The following PGAP3 variants were observed in gnomAD, a reference collection of about 807,000 sequenced individuals.
PGAP3 encodes post-GPI attachment to proteins phospholipase 3, also known as GPI-specific phospholipase A2-like PGAP3.
Under a neutral mutation model 40.3 loss-of-function variants are expected in PGAP3, and 31 were observed. That is an observed-to-expected ratio of 0.77 (90% confidence interval 0.58 to 1.04). The LOEUF (loss-of-function observed/expected upper bound fraction) is 1.04. Among genes scored for constraint, PGAP3 ranks in the 50% least tolerant of loss-of-function variants. The probability of loss-of-function intolerance (pLI) is 0.00; values close to 1 mark genes in which losing one functional copy is unlikely to be tolerated. For missense variants in PGAP3, 413 were observed against 423.0 expected, an observed-to-expected ratio of 0.98 and a Z score of 0.21; for synonymous variants, 191 against 184.5, an observed-to-expected ratio of 1.04 and a Z score of -0.29.
rs1465942127 is a variant in PGAP3, at chr17:39,673,275, G to C, written c.695-20C>G. On this transcript the variant is annotated intron_variant, in intron 6 of 7. Transcript: ENST00000300658. ...CCAGGCCTGGGTGCCAGTGGGGGCA[G>C]GAGAGACTCATTCCTTCGGCTCCTT... is the stretch of plus-strand genomic sequence containing the variant. 1 of 1,555,358 alleles carries C rather than the reference G, an allele frequency of 6.4e-7. No individual in the cohort carries two copies. Among genetic ancestry groups the C allele is most frequent in the Admixed American group, 2.0e-5 (1 of 51,244 alleles).
intron 3 of PGAP3, among the ~76,000 whole-genome samples, chr17:39,676,113 G>A (rs2934952): frequency 0.62 from 94,948 of 152,086 alleles, 30,453 homozygotes; most frequent in South Asian, 0.74. Flanking sequence ...CATGGAGGCT[G>A]CACAACAGGA....
intron 2 of PGAP3, among the ~76,000 whole-genome samples, chr17:39,685,345 A>G (rs911104683): frequency 6.6e-6 from 1 of 151,122 alleles, no homozygotes; most frequent in Non-Finnish European, 1.5e-5. Flanking sequence ...ACAAAAAATT[A>G]GCTGGGTGTG....
chr17:39,685,303 C>T (rs1480282777), intron 2 of PGAP3, among the ~76,000 whole-genome samples: 1 of 149,948 alleles, frequency 6.7e-6, no homozygotes, highest in Non-Finnish European at 1.5e-5. Context: ...TGGTGAAACC[C>T]CATCTCTACT....
At chr17:39,683,111 G>C (rs182700267) in intron 3 of PGAP3, among the ~76,000 whole-genome samples, 1 of 151,210 alleles carries the variant, frequency 6.6e-6, no homozygotes, top group African/African-American at 2.4e-5. Flanking sequence ...AAATCCCTCC[G>C]TACTTCCTGA....
At chr17:39,684,016 T>G (rs2057474592) in intron 3 of PGAP3, among the ~76,000 whole-genome samples, 1 of 147,794 alleles carries the variant, frequency 6.8e-6, no homozygotes, top group Non-Finnish European at 1.5e-5. Flanking sequence ...CCCAGCTACT[T>G]GGGAGGCTGA....
At position 39,674,062 on chromosome 17, in the gene PGAP3, C is replaced by T. The variant is rs1451366222; in HGVS notation, c.496-8G>A. 6.2e-7 allele frequency: 1 copy of T among 1,613,286 alleles called. No homozygotes were observed. Among genetic ancestry groups the T allele is most frequent in the Non-Finnish European group, 8.5e-7 (1 of 1,179,478 alleles). On this transcript the variant is annotated splice_region_variant and splice_polypyrimidine_tract_variant and intron_variant, in intron 4 of 7. Coordinates refer to ENST00000300658, the MANE Select transcript of PGAP3 (RefSeq NM_033419.5). ...ACAGAAGTAGTCCATTTTCTGAGGACAGGGAAGGGTGGTGAGGGACCAGCA... is the reference window on the plus strand; with the variant it reads ...ACAGAAGTAGTCCATTTTCTGAGGATAGGGAAGGGTGGTGAGGGACCAGCA...
chr17:39,685,799 A>AGCT (rs2145146651), intron 2 of PGAP3, 123 bp downstream of exon 2: 1 of 796,360 alleles, frequency 1.3e-6, no homozygotes, highest in East Asian at 3.1e-5. Flanking sequence ...GAGAACAGGT[A>AGCT]GCTGCCCCAA....
chr17:39,687,110 C>T (rs767781509), intron 1 of PGAP3, among the ~76,000 whole-genome samples: 16 of 152,250 alleles, frequency 1.1e-4, no homozygotes, highest in Middle Eastern at 3.4e-3. Context: ...TCTCTGTTCC[C>T]TCTGTCTGGA....
At chr17:39,684,436 CCT>C (rs2057481861) in intron 3 of PGAP3, among the ~76,000 whole-genome samples, 159 bp downstream of exon 3, 1 of 152,246 alleles carries the variant, frequency 6.6e-6, no homozygotes, top group Admixed American at 6.5e-5. Context: ...CAGCACCCTC[CCT>C]GTTTTCTCCC....
chr17:39,687,729 G>C lies in PGAP3; in HGVS notation c.181+105C>G, dbSNP rs184180061. The C allele has an allele frequency of 1.6e-4, 144 of 893,474 alleles. No homozygotes were observed. In the African/African-American group the frequency reaches 2.3e-3, roughly 14 times the overall value. The allele number at this position is 893,474 out of a possible 1,614,324, so 55.3% of individuals were successfully genotyped here. A position where few individuals can be genotyped will look rare whatever the true frequency, so the allele number is the denominator to read the frequency against. ...AGGGGCTTCACTCACATTCATAAGA[G>C]ACCTCGTGGGGAAACTAAGGTTCAG... On this transcript the variant is annotated intron_variant, in intron 1 of 7. Transcript: ENST00000300658.
intron 3 of PGAP3, among the ~76,000 whole-genome samples, chr17:39,679,985 C>T (rs1025224360): frequency 1.3e-5 from 2 of 152,196 alleles, no homozygotes; most frequent in African/African-American, 4.8e-5. Flanking sequence ...GGTCTCCCCA[C>T]CTCACGACTC....
chr17:39,680,823 G>C (rs1260005299), intron 3 of PGAP3, among the ~76,000 whole-genome samples: 1 of 151,954 alleles, frequency 6.6e-6, no homozygotes, highest in East Asian at 1.9e-4. Flanking sequence ...GGCTCTCCTG[G>C]GGTGATCTCA....
At position 39,684,627 on chromosome 17, in the gene PGAP3, G is replaced by C. The variant is rs1489113171; in HGVS notation, c.402C>G (p.Pro134=). The C allele has an allele frequency of 6.2e-7, 1 of 1,613,846 alleles. No homozygotes were observed. The highest frequency in any genetic ancestry group is 1.3e-5 in the African/African-American group (1 of 74,936). ...RYRTFVPASS[P]MYHTCVAFAW... is the part of the protein sequence containing the mutation. ...CGAAGGCCACACAGGTGTGGTACAT[G>C]GGGGAGGAGGCTGGCACGAAGGTGC... Residue 134 remains proline (P), a synonymous_variant, in exon 3 of 8, where the codon CCC becomes CCG. Transcript: ENST00000300658.
chr17:39,684,781 G>T, intron 2 of PGAP3, 32 bp from the exon 3 acceptor site: 2 of 1,544,384 alleles, frequency 1.3e-6, no homozygotes, highest in Admixed American at 4.0e-5. Context: ...GAGGTTTGAA[G>T]GGCAGGCAAC....
At chr17:39,680,977 C>CCTCA (rs1366269629) in intron 3 of PGAP3, among the ~76,000 whole-genome samples, 1 of 152,160 alleles carries the variant, frequency 6.6e-6, no homozygotes, top group African/African-American at 2.4e-5. Context: ...GATCCTCCCA[C>CCTCA]CTCAGCCTCC....
At position 39,673,155 on chromosome 17, in the gene PGAP3, C is replaced by G. The variant is rs894653229; in HGVS notation, c.795G>C (p.Gly265=). 1 of 1,597,094 alleles carries G rather than the reference C, an allele frequency of 6.3e-7. No individual in the cohort carries two copies. Among genetic ancestry groups the G allele is most frequent in the Non-Finnish European group, 8.5e-7 (1 of 1,172,562 alleles). The change falls in exon 7 of 8, where the codon GGG becomes GGC. Residue 265 remains glycine, a synonymous_variant. Coordinates refer to ENST00000300658, the MANE Select transcript of PGAP3 (RefSeq NM_033419.5). ...AGTCAAGCAGCTCGAGCAGGGACAG[C>G]CCCTGCAGCAGCAAGACCACCACCA... is the stretch of plus-strand genomic sequence containing the variant. ...KCVVVVLLLQ[G]LSLLELLDFP... is the part of the protein sequence containing the mutation.
At chr17:39,687,696 A>G in intron 1 of PGAP3, 138 bp downstream of exon 1, 1 of 596,074 alleles carries the variant, frequency 1.7e-6, no homozygotes, top group Non-Finnish European at 2.5e-6. Flanking sequence ...TAAGGCTCTC[A>G]TCACCTTAGG....
At chr17:39,684,414 T>C (rs2057481426) in intron 3 of PGAP3, among the ~76,000 whole-genome samples, 183 bp downstream of exon 3, 1 of 152,134 alleles carries the variant, frequency 6.6e-6, no homozygotes, top group Admixed American at 6.5e-5. Context: ...GCTGGAAAGG[T>C]AAGGCCCGAT....
rs1373891549 is a variant in PGAP3, at chr17:39,672,051, GGCCTGA to G, written c.*746_*751del. 1 of 153,078 alleles carries G rather than the reference GGCCTGA, an allele frequency of 6.5e-6. No homozygotes were observed. Among genetic ancestry groups the G allele is most frequent in the Non-Finnish European group, 1.5e-5 (1 of 68,446 alleles). 9.5% of individuals were successfully genotyped at this position (153,078 alleles called of 1,614,324 possible). On this transcript the variant is annotated 3_prime_UTR_variant, in exon 8 of 8. Transcript: ENST00000300658. ...CACCCGTCTCCACACTGCGCACCTA[GGCCTGA>G]GCTCACACACACCCAGGCCCATGCT...
Sources: gnomAD v4.1 joint callset for allele counts (sites outside exome capture counted in the v4.1 genomes callset) on GRCh38, gnomAD v4.1.1 for gene constraint, MANE v1.5 for transcripts, NCBI Gene and HGNC (gene_info 2026-07-23, HGNC 2026-07-21) for gene names.